The following CSMD3 variants were observed in gnomAD, a reference collection of about 807,000 sequenced individuals.
CSMD3 encodes the protein CUB and sushi domain-containing protein 3.
A neutral mutation model predicts 435.2 loss-of-function variants in CSMD3; 177 were observed. That is an observed-to-expected ratio of 0.41 (90% CI 0.36 to 0.46). The LOEUF (loss-of-function observed/expected upper bound fraction) is 0.46. Ranked by LOEUF, CSMD3 falls within the 20% of genes least tolerant of loss-of-function variation. The pLI, the probability that CSMD3 is intolerant of heterozygous loss-of-function variation, is 0.34. For synonymous variants in CSMD3, 1,656 were observed against 1,520.5 expected (o/e 1.09, Z -2.07); for missense variants, 4,265 against 4,504.6 (o/e 0.95, Z 1.52).
chr8:112,858,460 TG>T (rs2080729940), intron 11 of CSMD3, among the ~76,000 whole-genome samples: 1 of 151,758 alleles, frequency 6.6e-6, no homozygotes, highest in South Asian at 2.1e-4. Context: ...AGAGAAATGA[TG>T]ATTTTTCCTA....
intron 12 of CSMD3, among the ~76,000 whole-genome samples, chr8:112,817,071 CGT>C (rs1156473708): frequency 6.6e-6 from 1 of 151,958 alleles, no homozygotes; most frequent in Non-Finnish European, 1.5e-5. Context: ...TGTCATCCAA[CGT>C]TAGTGCATAC....
intron 1 of CSMD3, among the ~76,000 whole-genome samples, chr8:113,379,575 A>G (rs2094406159): frequency 6.6e-6 from 1 of 152,216 alleles, no homozygotes; most frequent in African/African-American, 2.4e-5. Context: ...GCACCTAAGC[A>G]GATAAGGTAT....
In CSMD3 at chr8:113,123,865, T is replaced by C. The variant is rs373980320; in HGVS notation, c.710-24902A>G. ...CTCTGGATCCATTCCACCAACTATA[T>C]ATAAAATATCTGTCTCTGTTTAAAT... On this transcript the variant is annotated intron_variant, in intron 4 of 70. Transcript: ENST00000297405. Among the ~76,000 whole-genome samples the C allele has an allele frequency of 3.8e-4, 58 of 152,104 alleles. No homozygotes were observed. In the East Asian group the frequency reaches 0.011, roughly 28 times the overall value.
chr8:112,790,790 T>C (rs73342187), intron 13 of CSMD3, among the ~76,000 whole-genome samples: 3,399 of 152,274 alleles, frequency 0.022, 111 homozygotes, highest in African/African-American at 0.078. Flanking sequence ...TTCTTGCCTT[T>C]TTAATTGTTG....
At chr8:113,064,266 T>C (rs894360348) in intron 5 of CSMD3, among the ~76,000 whole-genome samples, 11 of 151,952 alleles carry the variant, frequency 7.2e-5, no homozygotes, top group African/African-American at 1.9e-4. Flanking sequence ...TAAGAAATCC[T>C]TGAATTCACA....
intron 10 of CSMD3, among the ~76,000 whole-genome samples, chr8:112,920,897 T>A (rs1214546986): frequency 7.1e-6 from 1 of 141,486 alleles, no homozygotes; most frequent in African/African-American, 2.7e-5. Context: ...CAGTCAATAT[T>A]TTGCCATATA....
intron 35 of CSMD3, 37 bp from the exon 36 acceptor site, chr8:112,390,825 T>G (rs1042794064): frequency 2.5e-6 from 4 of 1,598,420 alleles, no homozygotes; most frequent in Admixed American, 1.7e-5. Flanking sequence ...GAGTTAATTC[T>G]AATGCAAAGG....
At chr8:112,889,233 T>C (rs1287046225) in intron 10 of CSMD3, among the ~76,000 whole-genome samples, 1 of 151,634 alleles carries the variant, frequency 6.6e-6, no homozygotes, top group Non-Finnish European at 1.5e-5. Flanking sequence ...TCCCAAATAA[T>C]AGATTTAGAG....
chr8:112,518,519 T>G (rs1823918978), intron 27 of CSMD3, among the ~76,000 whole-genome samples: 1 of 151,926 alleles, frequency 6.6e-6, no homozygotes, highest in African/African-American at 2.4e-5. Context: ...TCAGTGTTTC[T>G]CAGCAGAGCA....
At chr8:113,115,258 T>G (rs1426786833) in intron 4 of CSMD3, among the ~76,000 whole-genome samples, 1 of 152,230 alleles carries the variant, frequency 6.6e-6, no homozygotes, top group African/African-American at 2.4e-5. Context: ...ATTAGCTGAC[T>G]AGGAGAATAT....
At chr8:112,693,986 C>T (rs2076196087) in intron 13 of CSMD3, among the ~76,000 whole-genome samples, 1 of 151,630 alleles carries the variant, frequency 6.6e-6, no homozygotes, top group Non-Finnish European at 1.5e-5. Flanking sequence ...ACCTTAAATA[C>T]TGAAAAATTA....
chr8:112,750,976 A>C (rs575366424), intron 13 of CSMD3, among the ~76,000 whole-genome samples: 1 of 152,108 alleles, frequency 6.6e-6, no homozygotes, highest in East Asian at 1.9e-4. Context: ...TGCAGGGCTG[A>C]CTGCAGGACT....
intron 13 of CSMD3, among the ~76,000 whole-genome samples, chr8:112,749,115 G>A (rs1161103637): frequency 6.6e-6 from 1 of 151,918 alleles, no homozygotes; most frequent in Non-Finnish European, 1.5e-5. Context: ...TTTTTCATAT[G>A]TGTATCGGCC....
rs1460234391 is a variant in CSMD3, at chr8:113,256,778, G to A, written c.514+21814C>T. 2.0e-5 allele frequency among the ~76,000 whole-genome samples: 3 copies of A among 152,124 alleles called. No homozygotes were observed. The East Asian group carries it at 5.8e-4, about 29-fold the overall frequency. ...TGATGATACTTTGGAATAACATGAT[G>A]ACCAAACAGACATTGCAAGTTTTAA... On this transcript the variant is annotated intron_variant, in intron 3 of 70. Coordinates refer to ENST00000297405, the MANE Select transcript of CSMD3 (RefSeq NM_198123.2).
chr8:113,379,620 G>A (rs2094406362), intron 1 of CSMD3, among the ~76,000 whole-genome samples: 1 of 152,084 alleles, frequency 6.6e-6, no homozygotes, highest in African/African-American at 2.4e-5. Flanking sequence ...GGCTATAAAA[G>A]AATGTGGCTG....
intron 32 of CSMD3, among the ~76,000 whole-genome samples, chr8:112,443,783 G>T (rs941951011): frequency 2.0e-5 from 3 of 151,970 alleles, no homozygotes; most frequent in African/African-American, 7.2e-5. Context: ...ATGGCAAAAT[G>T]CCTGGCCCTT....
intron 1 of CSMD3, among the ~76,000 whole-genome samples, chr8:113,378,992 G>A (rs973050279): frequency 2.6e-5 from 4 of 152,164 alleles, no homozygotes; most frequent in Admixed American, 6.5e-5. Context: ...TGTAGTCCAT[G>A]ACAAGAAGTT....
chr8:112,228,674 T>C, intron 70 of CSMD3, 82 bp downstream of exon 70: 1 of 1,423,164 alleles, frequency 7.0e-7, no homozygotes, highest in South Asian at 1.2e-5. Flanking sequence ...AAATTTGAAA[T>C]TAAGATTTGA....
At chr8:113,355,923 T>C (rs2094223813) in intron 1 of CSMD3, among the ~76,000 whole-genome samples, 1 of 150,196 alleles carries the variant, frequency 6.7e-6, no homozygotes, top group Non-Finnish European at 1.5e-5. Flanking sequence ...TGAATCTGAG[T>C]AGAAGTGGAA....
Sources: allele counts gnomAD v4.1 joint callset (sites outside exome capture counted in the v4.1 genomes callset), GRCh38; gene constraint gnomAD v4.1.1; transcripts MANE v1.5; gene names NCBI Gene and HGNC (gene_info 2026-07-23, HGNC 2026-07-21).